The following RGS9 variants were observed in gnomAD, a reference collection of about 807,000 sequenced individuals.
RGS9 encodes regulator of G-protein signalling 9.
RGS9 carries 78 observed loss-of-function variants against 102.0 expected under a neutral mutation model. The ratio of observed to expected loss-of-function variants is 0.76; its 90% CI spans 0.64 to 0.92. The LOEUF (loss-of-function observed/expected upper bound fraction) is 0.92. Among genes scored for constraint, RGS9 ranks in the 40% least tolerant of loss-of-function variants. The pLI is 0.00. For missense variants in RGS9, 833 were observed against 866.1 expected, an observed-to-expected ratio of 0.96 and a Z score of 0.48; for synonymous variants, 353 against 318.6, an observed-to-expected ratio of 1.11 and a Z score of -1.15.
intron 17 of RGS9, among the ~76,000 whole-genome samples, chr17:65,215,488 CG>C (rs879269864): frequency 0.021 from 2,449 of 114,398 alleles, 43 homozygotes; most frequent in African/African-American, 0.056. Flanking sequence ...ATCTTTCTTT[CG>C]TTCTTTCGTT....
intron 2 of RGS9, among the ~76,000 whole-genome samples, chr17:65,154,440 C>T (rs1445835841): frequency 6.6e-6 from 1 of 152,178 alleles, no homozygotes; most frequent in African/African-American, 2.4e-5. Context: ...CCATTCCTCC[C>T]AGAAGGTCAT....
At chr17:65,146,764 C>A (rs1012136612) in intron 1 of RGS9, among the ~76,000 whole-genome samples, 3 of 152,022 alleles carry the variant, frequency 2.0e-5, no homozygotes, top group Non-Finnish European at 4.4e-5. Flanking sequence ...GTGGCGCGCG[C>A]CTGTAGTCCC....
At chr17:65,216,545 G>A (rs1407473769) in intron 17 of RGS9, among the ~76,000 whole-genome samples, 1 of 152,226 alleles carries the variant, frequency 6.6e-6, no homozygotes, top group Non-Finnish European at 1.5e-5. Flanking sequence ...GCTGAGACAG[G>A]AGAATCGCTT....
intron 8 of RGS9, among the ~76,000 whole-genome samples, chr17:65,172,690 G>T (rs977821565): frequency 1.3e-5 from 2 of 152,086 alleles, no homozygotes; most frequent in Non-Finnish European, 2.9e-5. Context: ...TTGCAGTCTG[G>T]TGGAGAGACA....
At chr17:65,226,402 G>C (rs1598014095) in intron 18 of RGS9, among the ~76,000 whole-genome samples, 2 of 152,152 alleles carry the variant, frequency 1.3e-5, no homozygotes, top group East Asian at 3.8e-4. Flanking sequence ...GTGTCGCTTA[G>C]GGGGAGAGGG....
At chr17:65,214,460 G>A (rs184511850) in intron 17 of RGS9, among the ~76,000 whole-genome samples, 2 of 152,324 alleles carry the variant, frequency 1.3e-5, no homozygotes, top group African/African-American at 2.4e-5. Context: ...ACCACAAGCT[G>A]GAGGAACCCA....
intron 9 of RGS9, chr17:65,188,724 C>T (rs1912233103): frequency 6.1e-6 from 1 of 163,606 alleles, no homozygotes. Context: ...GCAACCCTCT[C>T]ACCTCAGCCT....
At chr17:65,188,277 T>C (rs1912211518) in intron 9 of RGS9, among the ~76,000 whole-genome samples, 3 of 152,160 alleles carry the variant, frequency 2.0e-5, no homozygotes, top group Admixed American at 1.3e-4. Flanking sequence ...AACTGTCCTT[T>C]CTTTCTCTGC....
chr17:65,183,308 A>C (rs979515488), intron 9 of RGS9, among the ~76,000 whole-genome samples: 2 of 152,106 alleles, frequency 1.3e-5, no homozygotes, highest in African/African-American at 2.4e-5. Context: ...TTTTTAGTAG[A>C]GACAAGGTTG....
chr17:65,225,907 A>T (rs1486289396), intron 18 of RGS9, among the ~76,000 whole-genome samples: 1 of 152,156 alleles, frequency 6.6e-6, no homozygotes, highest in Non-Finnish European at 1.5e-5. Context: ...CTCCCTCACC[A>T]TAAGTGCCCT....
rs201052543 is a variant in RGS9, at chr17:65,157,199, C to T, written c.155-1096C>T. The stretch of plus-strand genomic sequence containing the variant: ...TTATGTGGGCCTGTTTCCATGCAGA[C>T]AGGCTTCCAGCTTGGCCTTTGGAAA... On this transcript the variant is annotated intron_variant, in intron 2 of 18. Transcript: ENST00000262406. Among the ~76,000 whole-genome samples the T allele has an allele frequency of 3.9e-5, 6 of 152,278 alleles. No homozygotes were observed. In the East Asian group the frequency reaches 1.2e-3, roughly 29 times the overall value.
At chr17:65,222,229 C>G (rs1290617412) in intron 17 of RGS9, among the ~76,000 whole-genome samples, 1 of 152,182 alleles carries the variant, frequency 6.6e-6, no homozygotes, top group East Asian at 1.9e-4. Context: ...GCCATGGAGA[C>G]CTTCTCCCCA....
chr17:65,138,961 A>ACCCCAGCAT (rs1555610177), intron 1 of RGS9, among the ~76,000 whole-genome samples: 2 of 70,430 alleles, frequency 2.8e-5, no homozygotes, highest in African/African-American at 1.6e-4. Context: ...CTCCCCAGCC[A>ACCCCAGCAT]CCCCTCCTCC....
chr17:65,178,507 A>T (rs866060917), intron 9 of RGS9, among the ~76,000 whole-genome samples: 1 of 140,260 alleles, frequency 7.1e-6, no homozygotes, highest in Non-Finnish European at 1.5e-5. Flanking sequence ...TATTTATTTA[A>T]TTCATTTATT....
In RGS9 at chr17:65,173,625, C is replaced by T. The variant is rs1911504637; in HGVS notation, c.583-4107C>T. On this transcript the variant is annotated intron_variant, in intron 8 of 18. Coordinates refer to ENST00000262406, the MANE Select transcript of RGS9 (RefSeq NM_003835.4). The surrounding 1 kb of genome is among the most constrained non-coding windows in gnomAD (Gnocchi z 4.8). The stretch of plus-strand genomic sequence containing the variant: ...GAGCTTGCATGTCTCTGAAGGCTTC[C>T]TGCATGAGGCACCAGGGCAGAAAGT... 6.6e-6 allele frequency among the ~76,000 whole-genome samples: 1 copy of T among 152,238 alleles called. No homozygotes were observed. Among genetic ancestry groups the T allele is most frequent in the African/African-American group, 2.4e-5 (1 of 41,462 alleles).
At chr17:65,204,060 T>G in intron 14 of RGS9, 103 bp from the exon 15 acceptor site, 1 of 1,405,370 alleles carries the variant, frequency 7.1e-7, no homozygotes. Context: ...ACCCTCACCC[T>G]CGGTAACCGA....
At chr17:65,220,288 G>A (rs781173107) in intron 17 of RGS9, among the ~76,000 whole-genome samples, 1 of 152,192 alleles carries the variant, frequency 6.6e-6, no homozygotes, top group Non-Finnish European at 1.5e-5. Flanking sequence ...TTGCAGTGCG[G>A]TCCTCCAGCT....
chr17:65,186,161 A>ATTTT (rs1250389005), intron 9 of RGS9, among the ~76,000 whole-genome samples: 17 of 137,438 alleles, frequency 1.2e-4, no homozygotes, highest in East Asian at 6.5e-4. Context: ...TTTGGTTTAC[A>ATTTT]TTTTATTTAT....
chr17:65,159,698 C>T (rs564188122), intron 3 of RGS9, among the ~76,000 whole-genome samples: 4 of 152,182 alleles, frequency 2.6e-5, no homozygotes, highest in East Asian at 3.9e-4. Flanking sequence ...GCTGTGCTTC[C>T]GAATAAACTG....
Sources: gnomAD v4.1 joint callset for allele counts (sites outside exome capture counted in the v4.1 genomes callset) on GRCh38, gnomAD v4.1.1 for gene constraint, Gnocchi (gnomAD v3.1) non-coding constraint, MANE v1.5 for transcripts, NCBI Gene and HGNC (gene_info 2026-07-23, HGNC 2026-07-21) for gene names.